Variants in RELN observed in about 807,000 individuals in gnomAD.
RELN encodes reelin.
Under a neutral mutation model 427.6 loss-of-function variants are expected in RELN, and 108 were observed. The observed-to-expected ratio is 0.25, with a 90% CI of 0.22 to 0.30. The LOEUF (loss-of-function observed/expected upper bound fraction) is 0.30. RELN is among the 10% of genes least tolerant of loss of function. RELN has a pLI of 1.00. For synonymous variants in RELN, 1,524 were observed against 1,513.4 expected (o/e 1.01, Z -0.16); for missense variants, 3,715 against 4,302.8 (o/e 0.86, Z 3.82).
chr7:103,875,649 T>C (rs1033956583), intron 2 of RELN, among the ~76,000 whole-genome samples: 1 of 151,926 alleles, frequency 6.6e-6, no homozygotes, highest in African/African-American at 2.4e-5. Flanking sequence ...AACCTACGAC[T>C]TACTTCTTAA....
chr7:103,553,924 T>C (rs1830469280), intron 38 of RELN, 93 bp from the exon 39 acceptor site: 2 of 1,053,364 alleles, frequency 1.9e-6, no homozygotes, highest in Admixed American at 3.6e-5. Flanking sequence ...CAAAAGCAAC[T>C]CAGTAACAAT....
chr7:103,518,953 A>T (rs1366871785), intron 49 of RELN, among the ~76,000 whole-genome samples: 1 of 152,104 alleles, frequency 6.6e-6, no homozygotes, highest in Non-Finnish European at 1.5e-5. Flanking sequence ...TTTGCTTTCC[A>T]GTCCAAAATT....
At chr7:103,660,489 T>C (rs1480323968) in intron 12 of RELN, among the ~76,000 whole-genome samples, 4 of 152,182 alleles carry the variant, frequency 2.6e-5, no homozygotes, top group Non-Finnish European at 1.5e-5. Flanking sequence ...CATGATACAA[T>C]CTGAGGTTTC....
At position 103,689,433 on chromosome 7, in the gene RELN, C is replaced by T. The variant is rs112043436; in HGVS notation, c.1144-7172G>A. Among the ~76,000 whole-genome samples, 325 of 152,196 alleles carry T rather than the reference C, an allele frequency of 2.1e-3. 4 individuals are homozygous for T. Among genetic ancestry groups the T allele is most frequent in the African/African-American group, 7.5e-3 (313 of 41,534 alleles). ...TGCAAGCTGAGGGTAACCACGATAGCTGAGCAGATATAAACATTTATTAAC... is the reference window on the plus strand; with the variant it reads ...TGCAAGCTGAGGGTAACCACGATAGTTGAGCAGATATAAACATTTATTAAC... On this transcript the variant is annotated intron_variant, in intron 10 of 64. Coordinates refer to ENST00000428762, the MANE Select transcript of RELN (RefSeq NM_005045.4).
intron 11 of RELN, among the ~76,000 whole-genome samples, chr7:103,665,577 T>G (rs1326939551): frequency 1.3e-5 from 2 of 152,178 alleles, no homozygotes; most frequent in Non-Finnish European, 2.9e-5. Flanking sequence ...CTTTAGTTAC[T>G]GATAAGAAGT....
chr7:103,941,195 G>T (rs780175925), intron 1 of RELN, among the ~76,000 whole-genome samples: 1 of 152,136 alleles, frequency 6.6e-6, no homozygotes, highest in Non-Finnish European at 1.5e-5. Flanking sequence ...GTCACCTTGG[G>T]AGAGTTTTAA....
At chr7:103,749,322 G>A in intron 6 of RELN, 104 bp downstream of exon 6, 1 of 866,404 alleles carries the variant, frequency 1.2e-6, no homozygotes. Flanking sequence ...TGATAGCTTA[G>A]CACTAAAGAT....
chr7:103,753,251 A>G, intron 4 of RELN, 37 bp from the exon 5 acceptor site: 2 of 1,611,102 alleles, frequency 1.2e-6, no homozygotes, highest in Non-Finnish European at 1.7e-6. Flanking sequence ...ACAACTGATC[A>G]GGAATGAAAG....
chr7:103,603,495 GAGAGAGCA>G lies in RELN; in HGVS notation c.3147-13_3147-6del. The G allele has an allele frequency of 6.2e-7, 1 of 1,613,240 alleles. No individual in the cohort carries two copies. The highest frequency in any genetic ancestry group is 8.5e-7 in the Non-Finnish European group (1 of 1,179,304). On this transcript the variant is annotated splice_polypyrimidine_tract_variant and splice_region_variant and intron_variant, in intron 23 of 64. Coordinates refer to ENST00000428762, the MANE Select transcript of RELN (RefSeq NM_005045.4). The surrounding 1 kb of genome is among the most constrained non-coding windows in gnomAD (Gnocchi z 4.3). ...CCTTGGTACCCCTGGTCACACCTAT[GAGAGAGCA>G]GGGCTGAGTAGGCAGGTTACAGGCC... is the stretch of plus-strand genomic sequence containing the variant.
intron 1 of RELN, among the ~76,000 whole-genome samples, chr7:103,941,859 G>A (rs981362088): frequency 1.4e-4 from 21 of 152,010 alleles, no homozygotes; most frequent in African/African-American, 4.6e-4. Context: ...CTAGACCACT[G>A]TGACAGAGAG....
At chr7:103,982,808 T>C (rs975274827) in intron 1 of RELN, among the ~76,000 whole-genome samples, 5 of 152,194 alleles carry the variant, frequency 3.3e-5, no homozygotes, top group African/African-American at 1.2e-4. Context: ...TCACCTTTCC[T>C]ATCATGTAAG....
intron 5 of RELN, among the ~76,000 whole-genome samples, chr7:103,751,464 T>C (rs1005071161): frequency 6.6e-6 from 1 of 152,204 alleles, no homozygotes; most frequent in African/African-American, 2.4e-5. Context: ...CAGCATGTAC[T>C]GAGAGGACTG....
chr7:103,678,636 GC>G (rs1172211738), intron 11 of RELN, among the ~76,000 whole-genome samples: 1 of 152,030 alleles, frequency 6.6e-6, no homozygotes, highest in African/African-American at 2.4e-5. Context: ...TTTCTTCCTT[GC>G]CATTCATATT....
chr7:103,486,960 T>C (rs941963437), intron 60 of RELN, among the ~76,000 whole-genome samples: 3 of 152,242 alleles, frequency 2.0e-5, no homozygotes, highest in African/African-American at 7.2e-5. Context: ...TGCACACTTA[T>C]GTTTATTGCA....
chr7:103,918,886 C>G (rs1455313263), intron 1 of RELN, among the ~76,000 whole-genome samples: 1 of 152,054 alleles, frequency 6.6e-6, no homozygotes, highest in African/African-American at 2.4e-5. Flanking sequence ...CAGCCAAAGA[C>G]ATTTTTTAAA....
At chr7:103,960,738 T>C (rs10246267) in intron 1 of RELN, among the ~76,000 whole-genome samples, 16,484 of 152,258 alleles carry the variant, frequency 0.11, 1,517 homozygotes, top group African/African-American at 0.24. Context: ...TGTATGTACA[T>C]GTATTTATTT....
intron 2 of RELN, among the ~76,000 whole-genome samples, chr7:103,863,149 C>T (rs1794110853): frequency 6.6e-6 from 1 of 152,112 alleles, no homozygotes; most frequent in Non-Finnish European, 1.5e-5. Flanking sequence ...CAATGATCAG[C>T]TTGGCAACTC....
chr7:103,589,558 T>C, intron 28 of RELN, 38 bp downstream of exon 28: 1 of 1,406,116 alleles, frequency 7.1e-7, no homozygotes, highest in Non-Finnish European at 1.0e-6. Flanking sequence ...ACTGTGTCTT[T>C]CTTAATGGCC....
At chr7:103,722,101 C>T (rs1275977553) in intron 8 of RELN, among the ~76,000 whole-genome samples, 1 of 152,164 alleles carries the variant, frequency 6.6e-6, no homozygotes, top group Non-Finnish European at 1.5e-5. Flanking sequence ...GTAGGTAATA[C>T]TGTCAACTGG....
Sources: allele counts gnomAD v4.1 joint callset (sites outside exome capture counted in the v4.1 genomes callset), GRCh38; gene constraint gnomAD v4.1.1; non-coding constraint Gnocchi (gnomAD v3.1); transcripts MANE v1.5; gene names NCBI Gene and HGNC (gene_info 2026-07-23, HGNC 2026-07-21).